The following ROBO2 variants were observed in gnomAD, a reference collection of about 807,000 sequenced individuals.
The protein encoded by ROBO2 is roundabout guidance receptor 2.
A neutral mutation model predicts 160.8 loss-of-function variants in ROBO2; 53 were observed. The observed-to-expected ratio is 0.33, with a 90% CI of 0.26 to 0.41. The LOEUF (loss-of-function observed/expected upper bound fraction) is 0.41, where lower values mean the gene tolerates loss of function less well. ROBO2 is among the 10% of genes least tolerant of loss of function. The pLI is 1.00. For synonymous variants in ROBO2, 664 were observed against 611.7 expected (o/e 1.09, Z -1.26); for missense variants, 1,577 against 1,722.4 (o/e 0.92, Z 1.49).
intron 2 of ROBO2, among the ~76,000 whole-genome samples, chr3:76,702,328 G>A (rs2093062842): frequency 6.6e-6 from 1 of 151,970 alleles, no homozygotes; most frequent in Non-Finnish European, 1.5e-5. Context: ...TCTAACCTAT[G>A]TATCAAGAGA....
chr3:76,661,859 T>C (rs1440794882), intron 2 of ROBO2, among the ~76,000 whole-genome samples: 1 of 152,154 alleles, frequency 6.6e-6, no homozygotes, highest in Non-Finnish European at 1.5e-5. Context: ...TAAATTTTCC[T>C]CACAAGAGAC....
rs927499628 is a variant in ROBO2 at position 76,345,627 on chromosome 3, G to C, written c.109+408025G>C. Among the ~76,000 whole-genome samples, 4 of 151,560 alleles carry C rather than the reference G, an allele frequency of 2.6e-5. No individual in the cohort carries two copies. The East Asian group carries it at 7.8e-4, about 30-fold the overall frequency. On this transcript the variant is annotated intron_variant, in intron 2 of 26. Transcript: ENST00000487694. ...TATATCTAAAGAGTAAAATAAATTT[G>C]AGCCTTCCTAGTTTTGTAGGAGAAA...
At chr3:76,269,264 A>G (rs571973253) in intron 2 of ROBO2, among the ~76,000 whole-genome samples, 1 of 152,196 alleles carries the variant, frequency 6.6e-6, no homozygotes, top group African/African-American at 2.4e-5. Context: ...CTGGATCAAA[A>G]CGTCTCATGT....
At chr3:77,235,659 A>G (rs770598277) in intron 2 of ROBO2, among the ~76,000 whole-genome samples, 2 of 152,236 alleles carry the variant, frequency 1.3e-5, no homozygotes, top group Non-Finnish European at 2.9e-5. Context: ...TATTTCTACC[A>G]TGCTTTCTGC....
intron 2 of ROBO2, among the ~76,000 whole-genome samples, chr3:77,455,837 G>C (rs929762478): frequency 6.6e-6 from 1 of 150,910 alleles, no homozygotes; most frequent in Admixed American, 6.6e-5. Context: ...CATCTCATTT[G>C]CAAAGCAATT....
intron 2 of ROBO2, among the ~76,000 whole-genome samples, chr3:76,664,784 T>G (rs1424881500): frequency 6.6e-6 from 1 of 152,152 alleles, no homozygotes; most frequent in Non-Finnish European, 1.5e-5. Context: ...GTAGTTGAGT[T>G]GAATGGAATA....
intron 2 of ROBO2, among the ~76,000 whole-genome samples, chr3:76,913,069 C>A (rs1577431715): frequency 1.3e-5 from 2 of 152,192 alleles, no homozygotes; most frequent in Non-Finnish European, 2.9e-5. Flanking sequence ...CAGATTGAGT[C>A]TAATTACTGC....
intron 2 of ROBO2, among the ~76,000 whole-genome samples, chr3:77,407,473 T>G (rs922265851): frequency 6.6e-6 from 1 of 152,200 alleles, no homozygotes; most frequent in African/African-American, 2.4e-5. Flanking sequence ...CTAATTACAG[T>G]ACAACATGTG....
At chr3:76,495,442 T>C (rs867853280) in intron 2 of ROBO2, among the ~76,000 whole-genome samples, 1 of 152,192 alleles carries the variant, frequency 6.6e-6, no homozygotes. Context: ...CGATGAAAAC[T>C]TCAGTGTCTT....
intron 2 of ROBO2, among the ~76,000 whole-genome samples, chr3:76,418,786 A>C (rs144533315): frequency 2.0e-5 from 3 of 152,162 alleles, no homozygotes; most frequent in Non-Finnish European, 4.4e-5. Flanking sequence ...TTTGGTTGAA[A>C]ATATACTCAA....
At chr3:77,573,743 A>T (rs1237290588) in intron 13 of ROBO2, among the ~76,000 whole-genome samples, 1 of 151,936 alleles carries the variant, frequency 6.6e-6, no homozygotes, top group Non-Finnish European at 1.5e-5. Context: ...AGCACTTACG[A>T]ATTCTTCAGG....
At chr3:77,473,091 G>A (rs2083520922) in intron 2 of ROBO2, among the ~76,000 whole-genome samples, 1 of 152,066 alleles carries the variant, frequency 6.6e-6, no homozygotes, top group Non-Finnish European at 1.5e-5. Context: ...ACGAGATGCG[G>A]TTGGTTTTAT....
In ROBO2 at chr3:77,103,215, A is replaced by G. The variant is rs80236778; in HGVS notation, c.388+4875A>G. ...CAAATAGATGACAGCAGCTTGATCT[A>G]TCGACCAGGGTAAGAGGGGGTTCTG... On this transcript the variant is annotated intron_variant, in intron 2 of 25. Transcript: ENST00000461745. Among the ~76,000 whole-genome samples, 477 of 152,190 alleles carry G rather than the reference A, an allele frequency of 3.1e-3. 21 individuals are homozygous for G. In the East Asian group the frequency reaches 0.085, roughly 27 times the overall value.
intron 2 of ROBO2, among the ~76,000 whole-genome samples, chr3:77,024,785 C>T (rs1313116455): frequency 1.3e-5 from 2 of 152,044 alleles, no homozygotes; most frequent in Non-Finnish European, 2.9e-5. Context: ...CGAGCATTTT[C>T]GAATGTTAAC....
chr3:76,098,660 CTAAATAAAACAG>C (rs1180752178), intron 2 of ROBO2, among the ~76,000 whole-genome samples: 2 of 151,888 alleles, frequency 1.3e-5, no homozygotes, highest in African/African-American at 4.8e-5. Context: ...GACATATAAT[CTAAATAAAACAG>C]AAGCATAGTT....
Position 76,197,637 on chromosome 3 carries a change from A to G in ROBO2, c.109+260035A>G, listed in dbSNP as rs1702324514. Among the ~76,000 whole-genome samples the G allele has an allele frequency of 2.6e-5, 4 of 152,192 alleles. No homozygotes were observed. The South Asian group carries it at 8.3e-4, about 32-fold the overall frequency. Reference sequence around the variant, plus strand: ...CAGTATCCTGTTTATTTTCCTAAGTAGTGAAGGTATTTTTTTAACATAATG... The same window carrying G: ...CAGTATCCTGTTTATTTTCCTAAGTGGTGAAGGTATTTTTTTAACATAATG... On this transcript the variant is annotated intron_variant, in intron 2 of 26. Transcript: ENST00000487694.
chr3:76,132,754 A>G (rs182702555), intron 2 of ROBO2, among the ~76,000 whole-genome samples: 66 of 152,302 alleles, frequency 4.3e-4, no homozygotes, highest in African/African-American at 1.2e-3. Context: ...AGAAGCCACA[A>G]AAGATTTCCT....
chr3:76,815,422 A>G (rs1192612002), intron 2 of ROBO2, among the ~76,000 whole-genome samples: 1 of 151,634 alleles, frequency 6.6e-6, no homozygotes, highest in African/African-American at 2.4e-5. Flanking sequence ...AGTCAACAGC[A>G]AGAAACACTG....
At chr3:76,901,093 G>C (rs928480339) in intron 2 of ROBO2, among the ~76,000 whole-genome samples, 1 of 151,994 alleles carries the variant, frequency 6.6e-6, no homozygotes, top group African/African-American at 2.4e-5. Flanking sequence ...CCCAATAACA[G>C]CAACATAACT....
Sources: allele counts gnomAD v4.1 joint callset (sites outside exome capture counted in the v4.1 genomes callset), GRCh38; gene constraint gnomAD v4.1.1; transcripts MANE v1.5; gene names NCBI Gene and HGNC (gene_info 2026-07-23, HGNC 2026-07-21).